The following TRIO variants were observed in gnomAD, a reference collection of about 807,000 sequenced individuals.
TRIO encodes trio Rho guanine nucleotide exchange factor.
Under a neutral mutation model 351.9 loss-of-function variants are expected in TRIO, and 58 were observed. The observed-to-expected ratio is 0.16, with a 90% CI of 0.13 to 0.21. The LOEUF (loss-of-function observed/expected upper bound fraction) is 0.21, where lower values mean the gene tolerates loss of function less well. TRIO is among the 10% of genes least tolerant of loss of function. TRIO has a pLI of 1.00. For synonymous variants in TRIO, 1,758 were observed against 1,595.7 expected (o/e 1.10, Z -2.42); for missense variants, 3,201 against 4,027.8 (o/e 0.79, Z 5.56).
At chr5:14,303,108 G>C (rs183129) in intron 7 of TRIO, among the ~76,000 whole-genome samples, 5 of 139,642 alleles carry the variant, frequency 3.6e-5, no homozygotes, top group Admixed American at 2.9e-4. Flanking sequence ...GATGGCTGCC[G>C]CAGGACCGTT....
intron 53 of TRIO, among the ~76,000 whole-genome samples, chr5:14,501,032 T>C (rs916555586): frequency 4.6e-5 from 7 of 151,700 alleles, no homozygotes; most frequent in Non-Finnish European, 8.8e-5. Flanking sequence ...TGGTCCACTT[T>C]TCTGTATATA....
intron 23 of TRIO, 105 bp downstream of exon 23, chr5:14,387,952 G>A (rs1579505426): frequency 1.6e-6 from 2 of 1,238,504 alleles, no homozygotes; most frequent in Non-Finnish European, 2.3e-6. Flanking sequence ...ATGGCACCCA[G>A]GCTTTTTGTT....
chr5:14,204,523 T>C (rs1561198648), intron 1 of TRIO, among the ~76,000 whole-genome samples: 1 of 152,132 alleles, frequency 6.6e-6, no homozygotes, highest in East Asian at 1.9e-4. Flanking sequence ...TCAGTGTTGG[T>C]CTCTAGGTCT....
At position 14,462,879 on chromosome 5, in the gene TRIO, C is replaced by T. The variant is rs1335255649; in HGVS notation, c.5621C>T (p.Ala1874Val). The T allele has an allele frequency of 6.2e-7, 1 of 1,611,094 alleles. No individual in the cohort carries two copies. The highest frequency in any genetic ancestry group is 2.2e-5 in the East Asian group (1 of 44,808). Reference sequence around the variant, plus strand: ...GCCGTGCCCCTGCCGCCACCCATGGCCATCCAGCAGCACAGCCTCCTCCAG... The same window carrying T: ...GCCGTGCCCCTGCCGCCACCCATGGTCATCCAGCAGCACAGCCTCCTCCAG... ...ADAVPLPPPM[A>V]IQQHSLLQPD... The change falls in exon 36 of 57, where the codon GCC becomes GTC. Residue 1874 changes from alanine to valine, a missense_variant. By Grantham distance (64) the Ala-to-Val change is moderately conservative. This residue lies in a region of TRIO where 307 missense variants were observed against 396.5 expected (regional missense o/e 0.77). Coordinates refer to ENST00000344204, the MANE Select transcript of TRIO (RefSeq NM_007118.4).
At chr5:14,184,145 A>G (rs354298) in intron 1 of TRIO, among the ~76,000 whole-genome samples, 122,426 of 152,140 alleles carry the variant, frequency 0.8, 49,879 homozygotes, top group East Asian at 0.99. Context: ...TAAAAATCCA[A>G]CCGGCTAGTA....
At chr5:14,242,096 CAG>C (rs1794162237) in intron 1 of TRIO, among the ~76,000 whole-genome samples, 1 of 152,270 alleles carries the variant, frequency 6.6e-6, no homozygotes, top group South Asian at 2.1e-4. Context: ...GATGTGGAGA[CAG>C]AGATATGGAA....
At chr5:14,311,725 G>A (rs1377581846) in intron 8 of TRIO, among the ~76,000 whole-genome samples, 1 of 152,198 alleles carries the variant, frequency 6.6e-6, no homozygotes, top group Non-Finnish European at 1.5e-5. Context: ...ATCATTCCCA[G>A]GCTTCGTGTG....
At chr5:14,261,766 T>A (rs59787628) in intron 1 of TRIO, among the ~76,000 whole-genome samples, 17,369 of 152,192 alleles carry the variant, frequency 0.11, 1,328 homozygotes, top group African/African-American at 0.21. Flanking sequence ...CCTCTTTCCA[T>A]CAGAGAAGAT....
Position 14,497,162 on chromosome 5 carries a change from G to T in TRIO, c.8019+145G>T. On this transcript the variant is annotated intron_variant, in intron 50 of 56. Coordinates refer to ENST00000344204, the MANE Select transcript of TRIO (RefSeq NM_007118.4). This position sits in a 1 kb window ranked among gnomAD's most constrained non-coding sequence, Gnocchi z 4.4. The stretch of plus-strand genomic sequence containing the variant: ...CCCCGTGCCCTGCGTGTCCTGTAGG[G>T]TCTTGTTAGGGGCACTATGCTGGCC... 1 of 1,234,248 alleles carries T rather than the reference G, an allele frequency of 8.1e-7. No individual in the cohort carries two copies. The highest frequency in any genetic ancestry group is 1.1e-6 in the Non-Finnish European group (1 of 905,548). 76.5% of individuals were successfully genotyped at this position (1,234,248 alleles called of 1,614,324 possible).
At chr5:14,290,692 A>T (rs1330092803) in intron 4 of TRIO, 24 bp from the exon 5 acceptor site, 1 of 1,568,280 alleles carries the variant, frequency 6.4e-7, no homozygotes, top group Non-Finnish European at 8.6e-7. Context: ...TCATCTTCTC[A>T]TACGTGATTT....
At chr5:14,457,374 C>CCT (rs1753411226) in intron 34 of TRIO, among the ~76,000 whole-genome samples, 2 of 27,442 alleles carry the variant, frequency 7.3e-5, no homozygotes, top group Non-Finnish European at 1.4e-4. Flanking sequence ...GCCCTGACCT[C>CCT]CCCCCCCCCC....
chr5:14,298,461 C>T (rs1226476736), intron 7 of TRIO, among the ~76,000 whole-genome samples: 2 of 152,240 alleles, frequency 1.3e-5, no homozygotes, highest in South Asian at 2.1e-4. Context: ...AGTATATCTT[C>T]CTCAGGGTTA....
intron 1 of TRIO, among the ~76,000 whole-genome samples, chr5:14,256,343 C>T (rs1434250025): frequency 6.6e-6 from 1 of 152,196 alleles, no homozygotes; most frequent in Non-Finnish European, 1.5e-5. Flanking sequence ...CCACGCCCCA[C>T]CTCCAGCATG....
intron 34 of TRIO, among the ~76,000 whole-genome samples, chr5:14,439,888 T>C (rs1751887556): frequency 6.6e-6 from 1 of 152,242 alleles, no homozygotes; most frequent in African/African-American, 2.4e-5. Flanking sequence ...CTGGGTGCCC[T>C]GGATATAGCA....
rs189774515 is a variant in TRIO, at chr5:14,200,996, C to T, written c.157+57114C>T. Among the ~76,000 whole-genome samples, 95 of 151,484 alleles carry T rather than the reference C, an allele frequency of 6.3e-4. No individual in the cohort carries two copies. The East Asian group carries it at 0.017, about 27-fold the overall frequency. ...ATTCTCGGCTGGGCGCGGTGGCTCA[C>T]GCCTGTAACCCAGCACTTTGGGAGG... On this transcript the variant is annotated intron_variant, in intron 1 of 56. Transcript: ENST00000344204.
Position 14,367,047 on chromosome 5 carries a change from A to G in TRIO, c.2874+68A>G. The G allele has an allele frequency of 7.5e-6, 12 of 1,595,172 alleles. No individual in the cohort carries two copies. The South Asian group carries it at 1.4e-4, about 18-fold the overall frequency. On this transcript the variant is annotated intron_variant, in intron 16 of 56. Transcript: ENST00000344204. ...TCAGGACAAACATCCTGAATCCCCC[A>G]ACATGGCACTGACCATGGGAACCAC...
intron 54 of TRIO, among the ~76,000 whole-genome samples, chr5:14,503,705 G>A (rs1174064119): frequency 3.3e-5 from 5 of 152,218 alleles, no homozygotes; most frequent in African/African-American, 9.6e-5. Context: ...CCTGATTCAA[G>A]GGGACGAATA....
Position 14,437,507 on chromosome 5 carries a change from G to T in TRIO, c.5203+17486G>T, listed in dbSNP as rs559086451. On this transcript the variant is annotated intron_variant, in intron 34 of 56. Transcript: ENST00000344204. ...TGTAACAAAGTACCACACACTGCCT[G>T]GTTCAAACAACAGAAATTTATTTTC... Among the ~76,000 whole-genome samples the T allele has an allele frequency of 1.3e-4, 20 of 152,274 alleles. No homozygotes were observed. In the East Asian group the frequency reaches 3.9e-3, roughly 29 times the overall value.
intron 34 of TRIO, among the ~76,000 whole-genome samples, chr5:14,430,715 T>TTTTATTTTA (rs1554077399): frequency 1.4e-4 from 21 of 151,224 alleles, no homozygotes; most frequent in Non-Finnish European, 2.4e-4. Flanking sequence ...TTTTATTTTA[T>TTTTATTTTA]TTTATTTATT....
Sources: allele counts gnomAD v4.1 joint callset (sites outside exome capture counted in the v4.1 genomes callset), GRCh38; gene constraint gnomAD v4.1.1; regional missense constraint gnomAD v4.1.1; non-coding constraint Gnocchi (gnomAD v3.1); transcripts MANE v1.5; gene names NCBI Gene and HGNC (gene_info 2026-07-23, HGNC 2026-07-21).